EPC2: variants seen among roughly 807,000 people sequenced by gnomAD.
The protein encoded by EPC2 is enhancer of polycomb 2, also known as enhancer of polycomb homolog 2.
Under a neutral mutation model 92.1 loss-of-function variants are expected in EPC2, and 14 were observed. That is an observed-to-expected ratio of 0.15 (90% CI 0.10 to 0.24). The LOEUF is 0.24. Among genes scored for constraint, EPC2 ranks in the 10% least tolerant of loss-of-function variants. The pLI is 1.00. For synonymous variants in EPC2, 340 were observed against 334.7 expected (o/e 1.02, Z -0.17); for missense variants, 755 against 971.5 (o/e 0.78, Z 2.96).
chr2:148,754,365 G>A (rs899215474), intron 4 of EPC2, among the ~76,000 whole-genome samples: 7 of 152,040 alleles, frequency 4.6e-5, no homozygotes, highest in Non-Finnish European at 8.8e-5. Context: ...AGTTGTTTAC[G>A]CTGTTTATCT....
intron 1 of EPC2, among the ~76,000 whole-genome samples, chr2:148,651,421 A>G (rs553541462): frequency 7.2e-5 from 11 of 152,308 alleles, no homozygotes; most frequent in South Asian, 2.1e-4. Flanking sequence ...CATCTTCAGC[A>G]CTAAAAACCG....
chr2:148,686,910 C>T (rs1681539361), intron 1 of EPC2, among the ~76,000 whole-genome samples: 1 of 152,172 alleles, frequency 6.6e-6, no homozygotes, highest in South Asian at 2.1e-4. Flanking sequence ...CTACAATTAA[C>T]ATTACCAGCT....
chr2:148,660,040 C>A (rs772046380), intron 1 of EPC2, among the ~76,000 whole-genome samples: 5 of 152,020 alleles, frequency 3.3e-5, no homozygotes, highest in African/African-American at 7.2e-5. Flanking sequence ...TAAAAAAATT[C>A]AGAATATGCA....
rs369092536 is a variant in EPC2, at chr2:148,701,510, T to C, written c.313+11137T>C. 7.2e-5 allele frequency among the ~76,000 whole-genome samples: 11 copies of C among 152,360 alleles called. 1 individual carries two copies. The highest frequency in any genetic ancestry group is 1.9e-4 in the African/African-American group (8 of 41,598). ...AATGCTTTTTCTACATCTATTGATA[T>C]GCTCATGTGATTTTTCTTCTTTAGT... On this transcript the variant is annotated intron_variant, in intron 2 of 13. Transcript: ENST00000258484.
At chr2:148,696,230 C>T (rs1681742252) in intron 2 of EPC2, among the ~76,000 whole-genome samples, 1 of 152,154 alleles carries the variant, frequency 6.6e-6, no homozygotes, top group South Asian at 2.1e-4. Context: ...GGGAGGATCA[C>T]TTGAGTCCAG....
chr2:148,727,550 T>C (rs1682523637), intron 2 of EPC2, among the ~76,000 whole-genome samples: 1 of 152,234 alleles, frequency 6.6e-6, no homozygotes, highest in Admixed American at 6.5e-5. Context: ...TTTTATGCCA[T>C]TAGATGTTCT....
chr2:148,756,691 A>G (rs967112195), intron 4 of EPC2, among the ~76,000 whole-genome samples: 2 of 152,214 alleles, frequency 1.3e-5, no homozygotes, highest in Non-Finnish European at 2.9e-5. Context: ...TGCATTTAAT[A>G]TATTTAACCA....
At chr2:148,707,730 A>G (rs1682034734) in intron 2 of EPC2, among the ~76,000 whole-genome samples, 2 of 152,192 alleles carry the variant, frequency 1.3e-5, no homozygotes, top group South Asian at 2.1e-4. Flanking sequence ...AAACTGAACA[A>G]CCTGCTCCTG....
intron 1 of EPC2, among the ~76,000 whole-genome samples, chr2:148,659,369 C>CT (rs1015601844): frequency 4.8e-4 from 73 of 151,806 alleles, no homozygotes; most frequent in African/African-American, 1.5e-3. Flanking sequence ...ATGCAGATTG[C>CT]TTTTTTAAAA....
chr2:148,785,820 G>A (rs1683855350), intron 13 of EPC2, among the ~76,000 whole-genome samples: 1 of 151,996 alleles, frequency 6.6e-6, no homozygotes, highest in Non-Finnish European at 1.5e-5. Context: ...TTCTTTCTAT[G>A]ACACTAATAC....
chr2:148,645,885 A>C (rs1683789416), intron 1 of EPC2, among the ~76,000 whole-genome samples: 2 of 152,224 alleles, frequency 1.3e-5, no homozygotes, highest in Admixed American at 6.5e-5. Context: ...GGATGCCCGG[A>C]AGCGAGCCGC....
chr2:148,752,587 G>A (rs761766804), intron 3 of EPC2, among the ~76,000 whole-genome samples: 3 of 152,162 alleles, frequency 2.0e-5, no homozygotes, highest in Non-Finnish European at 4.4e-5. Flanking sequence ...GGTAACCATA[G>A]AATGGCCACT....
At chr2:148,655,317 T>C (rs2105351627) in intron 1 of EPC2, among the ~76,000 whole-genome samples, 1 of 152,330 alleles carries the variant, frequency 6.6e-6, no homozygotes, top group South Asian at 2.1e-4. Flanking sequence ...TTTGGTGACA[T>C]GGACTCTTTT....
At chr2:148,765,292 C>A in intron 7 of EPC2, 146 bp downstream of exon 7, 1 of 471,776 alleles carries the variant, frequency 2.1e-6, no homozygotes, top group Non-Finnish European at 3.6e-6. Context: ...ATTTATGTAG[C>A]CACTGAAATG....
chr2:148,672,239 C>T (rs945691264), intron 1 of EPC2, among the ~76,000 whole-genome samples: 2 of 152,120 alleles, frequency 1.3e-5, no homozygotes, highest in Non-Finnish European at 2.9e-5. Context: ...ACTAAAGTCT[C>T]TTTTGTCTGA....
At chr2:148,754,657 A>G (rs1177965023) in intron 4 of EPC2, among the ~76,000 whole-genome samples, 2 of 152,184 alleles carry the variant, frequency 1.3e-5, no homozygotes, top group Non-Finnish European at 2.9e-5. Flanking sequence ...GGTCGTGGGA[A>G]GTAGGGAAGG....
At chr2:148,739,351 C>G (rs1356848338) in intron 2 of EPC2, among the ~76,000 whole-genome samples, 3 of 152,092 alleles carry the variant, frequency 2.0e-5, no homozygotes, top group African/African-American at 7.2e-5. Flanking sequence ...TGGTAAGCCC[C>G]CTTTAACCTG....
chr2:148,777,732 T>C (rs1396996655), intron 10 of EPC2, among the ~76,000 whole-genome samples: 10 of 151,990 alleles, frequency 6.6e-5, no homozygotes, highest in Non-Finnish European at 1.2e-4. Context: ...AAGGATGAAA[T>C]GAGGGATGGC....
intron 2 of EPC2, among the ~76,000 whole-genome samples, chr2:148,701,843 G>GAGTTT (rs916610002): frequency 3.3e-5 from 5 of 152,216 alleles, no homozygotes; most frequent in Admixed American, 6.5e-5. Flanking sequence ...ATTTATCAGT[G>GAGTTT]AACTCATCTG....
Sources: allele counts gnomAD v4.1 joint callset (sites outside exome capture counted in the v4.1 genomes callset), GRCh38; gene constraint gnomAD v4.1.1; transcripts MANE v1.5; gene names NCBI Gene and HGNC (gene_info 2026-07-23, HGNC 2026-07-21).